Variants in HS3ST5 observed in about 807,000 individuals in gnomAD.
HS3ST5 encodes heparan sulfate-glucosamine 3-sulfotransferase 5.
Under a neutral mutation model 25.4 loss-of-function variants are expected in HS3ST5, and 10 were observed. That is an observed-to-expected ratio of 0.39 (90% CI 0.24 to 0.67). The LOEUF (loss-of-function observed/expected upper bound fraction) is 0.67, where lower values mean the gene tolerates loss of function less well. HS3ST5 is among the 30% of genes least tolerant of loss of function. The pLI is 0.44. For missense variants in HS3ST5, 324 were observed against 420.7 expected (o/e 0.77, Z 2.01); for synonymous variants, 170 against 162.4 (o/e 1.05, Z -0.36).
intron 1 of HS3ST5, among the ~76,000 whole-genome samples, chr6:114,296,410 A>G (rs1268342056): frequency 6.6e-6 from 1 of 152,230 alleles, no homozygotes; most frequent in Non-Finnish European, 1.5e-5. Context: ...ACATATGTAT[A>G]CTTACTTATG....
chr6:114,272,749 T>C (rs1188941664), intron 1 of HS3ST5, among the ~76,000 whole-genome samples: 2 of 152,024 alleles, frequency 1.3e-5, no homozygotes, highest in Non-Finnish European at 2.9e-5. Context: ...GGGCAATTAC[T>C]GAGATGACAT....
intron 1 of HS3ST5, among the ~76,000 whole-genome samples, chr6:114,296,852 G>C (rs993301845): frequency 2.0e-5 from 3 of 152,128 alleles, no homozygotes; most frequent in Non-Finnish European, 2.9e-5. Context: ...TAAAACCACA[G>C]ACTCCAAATT....
intron 3 of HS3ST5, among the ~76,000 whole-genome samples, chr6:114,093,277 T>C (rs1329515843): frequency 1.3e-5 from 2 of 152,052 alleles, no homozygotes; most frequent in East Asian, 1.9e-4. Flanking sequence ...CTGATGAATA[T>C]GCACCTGCCT....
intron 1 of HS3ST5, among the ~76,000 whole-genome samples, chr6:114,238,618 A>G (rs1771966249): frequency 6.6e-6 from 1 of 152,190 alleles, no homozygotes; most frequent in Admixed American, 6.5e-5. Flanking sequence ...AATAGAAGAA[A>G]GAAGGTTTAA....
At chr6:114,281,367 G>T (rs1349620060) in intron 1 of HS3ST5, among the ~76,000 whole-genome samples, 1 of 152,034 alleles carries the variant, frequency 6.6e-6, no homozygotes, top group Non-Finnish European at 1.5e-5. Flanking sequence ...CTTTTGTCCT[G>T]ATAGTTTTAA....
intron 1 of HS3ST5, among the ~76,000 whole-genome samples, chr6:114,317,686 G>A (rs377345675): frequency 2.0e-5 from 3 of 151,568 alleles, no homozygotes; most frequent in South Asian, 4.2e-4. Flanking sequence ...GCCTGCCCTC[G>A]TCATGCTTAT....
At chr6:114,141,159 C>A (rs1184049535) in intron 3 of HS3ST5, among the ~76,000 whole-genome samples, 1 of 152,192 alleles carries the variant, frequency 6.6e-6, no homozygotes, top group Non-Finnish European at 1.5e-5. Flanking sequence ...TCTCTTCCTG[C>A]CCCTACAAAT....
At chr6:114,296,623 A>T (rs1774834897) in intron 1 of HS3ST5, among the ~76,000 whole-genome samples, 1 of 152,172 alleles carries the variant, frequency 6.6e-6, no homozygotes. Context: ...AAAAATTCAC[A>T]CCCTGTAGGA....
chr6:114,161,089 A>ATG (rs759828888), intron 3 of HS3ST5, among the ~76,000 whole-genome samples: 1 of 152,088 alleles, frequency 6.6e-6, no homozygotes, highest in Non-Finnish European at 1.5e-5. Flanking sequence ...TTAGAACTAA[A>ATG]TGACAGTGAA....
At chr6:114,235,340 T>C (rs549538434) in intron 1 of HS3ST5, among the ~76,000 whole-genome samples, 127 of 152,132 alleles carry the variant, frequency 8.3e-4, no homozygotes, top group Non-Finnish European at 1.6e-3. Flanking sequence ...TTTAAAAAAT[T>C]TCCCAAGGAA....
At chr6:114,332,181 T>C (rs1322536648) in intron 1 of HS3ST5, among the ~76,000 whole-genome samples, 3 of 152,078 alleles carry the variant, frequency 2.0e-5, no homozygotes, top group Non-Finnish European at 4.4e-5. Context: ...TATTGACAGA[T>C]GGATGCTTAC....
At chr6:114,124,190 G>A (rs1451578793) in intron 3 of HS3ST5, among the ~76,000 whole-genome samples, 1 of 152,130 alleles carries the variant, frequency 6.6e-6, no homozygotes, top group Non-Finnish European at 1.5e-5. Context: ...CCATGGACCT[G>A]ATACCTTAGA....
At chr6:114,255,807 G>C (rs1199584848) in intron 1 of HS3ST5, among the ~76,000 whole-genome samples, 1 of 152,116 alleles carries the variant, frequency 6.6e-6, no homozygotes, top group African/African-American at 2.4e-5. Flanking sequence ...AGGGCACCAA[G>C]TCTCTAGGCT....
At chr6:114,224,689 TATATATATATAC>T in intron 2 of HS3ST5, among the ~76,000 whole-genome samples, 1 of 146,200 alleles carries the variant, frequency 6.8e-6, no homozygotes, top group African/African-American at 2.5e-5. Flanking sequence ...TATATATACA[TATATATATATAC>T]ACACACACAC....
At chr6:114,294,905 A>G (rs1015359995) in intron 1 of HS3ST5, among the ~76,000 whole-genome samples, 13 of 152,224 alleles carry the variant, frequency 8.5e-5, no homozygotes, top group African/African-American at 3.1e-4. Context: ...AATTTTGAAT[A>G]AATATCTAAA....
chr6:114,215,708 T>G (rs1167852128), intron 2 of HS3ST5, among the ~76,000 whole-genome samples: 2 of 152,200 alleles, frequency 1.3e-5, no homozygotes, highest in African/African-American at 4.8e-5. Flanking sequence ...ATATTCAGAA[T>G]AGAGTCTATT....
At chr6:114,199,673 A>T (rs1229524693) in intron 2 of HS3ST5, among the ~76,000 whole-genome samples, 2 of 152,206 alleles carry the variant, frequency 1.3e-5, no homozygotes, top group African/African-American at 4.8e-5. Flanking sequence ...TACTTTAGAA[A>T]ATTTACCATT....
chr6:114,252,288 G>A (rs539303515), intron 1 of HS3ST5, among the ~76,000 whole-genome samples: 2 of 152,124 alleles, frequency 1.3e-5, no homozygotes, highest in African/African-American at 4.8e-5. Context: ...AATTCTGTAC[G>A]AATTTAGCCC....
chr6:114,097,748 CT>C (rs911601692), intron 3 of HS3ST5, among the ~76,000 whole-genome samples: 2 of 151,614 alleles, frequency 1.3e-5, no homozygotes, highest in Admixed American at 1.3e-4. Flanking sequence ...TTATTCTTTC[CT>C]TTTTTAAAAA....
Sources: allele counts gnomAD v4.1 joint callset (sites outside exome capture counted in the v4.1 genomes callset), GRCh38; gene constraint gnomAD v4.1.1; transcripts MANE v1.5; gene names NCBI Gene and HGNC (gene_info 2026-07-23, HGNC 2026-07-21).